The following SEMA3D variants were observed in gnomAD, a reference collection of about 807,000 sequenced individuals.
The protein encoded by SEMA3D is semaphorin-3D.
Under a neutral mutation model 100.1 loss-of-function variants are expected in SEMA3D, and 84 were observed. The ratio of observed to expected loss-of-function variants is 0.84; its 90% CI spans 0.70 to 1.01. SEMA3D has a LOEUF of 1.01. SEMA3D is among the 50% of genes least tolerant of loss of function. The pLI, the probability that SEMA3D is intolerant of heterozygous loss-of-function variation, is 0.00. For synonymous variants in SEMA3D, 312 were observed against 320.7 expected, an observed-to-expected ratio of 0.97 and a Z score of 0.29; for missense variants, 875 against 934.1, an observed-to-expected ratio of 0.94 and a Z score of 0.82.
chr7:85,035,270 T>C (rs945003572), intron 12 of SEMA3D, among the ~76,000 whole-genome samples: 1 of 151,438 alleles, frequency 6.6e-6, no homozygotes, highest in Non-Finnish European at 1.5e-5. Flanking sequence ...TTATATATGA[T>C]ATATGCATCA....
At chr7:85,138,600 C>T (rs967217018) in intron 2 of SEMA3D, among the ~76,000 whole-genome samples, 2 of 146,316 alleles carry the variant, frequency 1.4e-5, no homozygotes, top group African/African-American at 5.0e-5. Context: ...TTTTGTGCCT[C>T]CCTTTTATAA....
intron 5 of SEMA3D, among the ~76,000 whole-genome samples, chr7:85,077,853 A>T (rs1380249523): frequency 2.6e-5 from 4 of 152,184 alleles, no homozygotes; most frequent in Non-Finnish European, 5.9e-5. Flanking sequence ...AGTCTACTCA[A>T]TAATCAAAGA....
chr7:85,014,199 T>C (rs1297381739), intron 16 of SEMA3D, among the ~76,000 whole-genome samples: 5 of 151,802 alleles, frequency 3.3e-5, no homozygotes, highest in African/African-American at 1.2e-4. Context: ...GAGACTAGCA[T>C]GTGCCTGTTA....
At chr7:85,056,594 A>G (rs1791324526) in intron 8 of SEMA3D, among the ~76,000 whole-genome samples, 1 of 150,012 alleles carries the variant, frequency 6.7e-6, no homozygotes, top group Non-Finnish European at 1.5e-5. Context: ...TGCTATATAT[A>G]TAGCATTTAT....
At chr7:85,223,310 C>G in the SEMA3D span, among the ~76,000 whole-genome samples, 24,708 of 151,914 alleles carry the variant, frequency 0.16, 2,429 homozygotes, top group Non-Finnish European at 0.23. Context: ...AATGACAATA[C>G]CACAATTACT....
At position 85,083,983 on chromosome 7, in the gene SEMA3D, T is replaced by TA. The variant is rs1166480406; in HGVS notation, c.313-2405dup. On this transcript the variant is annotated intron_variant, in intron 4 of 18. Coordinates refer to ENST00000284136, the MANE Select transcript of SEMA3D (RefSeq NM_001384900.1). ...CAACACAGTGAAACTCTGTCTCTAT[T>TA]AAAAATACAAAAAATTAGCCTGGCG... Among the ~76,000 whole-genome samples the TA allele has an allele frequency of 4.7e-5, 7 of 147,736 alleles. No homozygotes were observed. In the Admixed American group the frequency reaches 4.8e-4, roughly 10 times the overall value.
intron 4 of SEMA3D, among the ~76,000 whole-genome samples, chr7:85,097,176 G>T (rs2116311528): frequency 6.6e-6 from 1 of 151,900 alleles, no homozygotes; most frequent in South Asian, 2.1e-4. Flanking sequence ...ACTGGTGGTT[G>T]AAAATGTAGG....
At chr7:85,074,908 C>A (rs1252733373) in intron 5 of SEMA3D, among the ~76,000 whole-genome samples, 1 of 152,076 alleles carries the variant, frequency 6.6e-6, no homozygotes, top group Non-Finnish European at 1.5e-5. Flanking sequence ...GCATGAGCCA[C>A]CATGGCAGGC....
Position 85,121,786 on chromosome 7 carries a change from C to T in SEMA3D, c.106G>A (p.Gly36Ser). 6.2e-7 allele frequency: 1 copy of T among 1,608,060 alleles called. No homozygotes were observed. The highest frequency in any genetic ancestry group is 8.5e-7 in the Non-Finnish European group (1 of 1,177,650). The change falls in exon 3 of 19, where the codon GGC (glycine) becomes AGC (serine). Residue 36 changes from glycine to serine, a missense_variant. Gly to Ser is a moderately conservative substitution (Grantham distance 56). Coordinates refer to ENST00000284136, the MANE Select transcript of SEMA3D (RefSeq NM_001384900.1). ...CTTGGAATATTTTGCTTCAAAGTGC[C>T]AGTGACTGGAAGAAACAACATGGTC... is the stretch of plus-strand genomic sequence containing the variant. ...SMTMLFLPVT[G>S]TLKQNIPRLK... is the part of the protein sequence containing the mutation.
chr7:85,221,806 TA>T, the SEMA3D span, among the ~76,000 whole-genome samples: 1 of 152,068 alleles, frequency 6.6e-6, no homozygotes, highest in African/African-American at 2.4e-5. Context: ...AGCATTGACT[TA>T]AATGTCAAAT....
chr7:85,072,255 T>C (rs899647581), intron 6 of SEMA3D, among the ~76,000 whole-genome samples: 2 of 152,202 alleles, frequency 1.3e-5, no homozygotes, highest in African/African-American at 4.8e-5. Flanking sequence ...TGACTCCTAA[T>C]TAATACATCC....
intron 4 of SEMA3D, among the ~76,000 whole-genome samples, chr7:85,085,095 T>C (rs1263709149): frequency 6.6e-6 from 1 of 152,186 alleles, no homozygotes; most frequent in Non-Finnish European, 1.5e-5. Context: ...CAGATTAATA[T>C]TTCTTTGAAT....
chr7:85,064,142 A>T (rs1791550117), intron 8 of SEMA3D, among the ~76,000 whole-genome samples: 1 of 152,204 alleles, frequency 6.6e-6, no homozygotes, highest in African/African-American at 2.4e-5. Flanking sequence ...AAAAAATACT[A>T]CTGTCTTTTA....
At chr7:85,047,261 T>A (rs996112709) in intron 9 of SEMA3D, among the ~76,000 whole-genome samples, 1 of 151,942 alleles carries the variant, frequency 6.6e-6, no homozygotes, top group Admixed American at 6.6e-5. Flanking sequence ...GGTTGCATGT[T>A]ACGAATTACT....
chr7:85,156,866 C>T (rs1790612259), intron 1 of SEMA3D, among the ~76,000 whole-genome samples: 1 of 152,126 alleles, frequency 6.6e-6, no homozygotes, highest in South Asian at 2.1e-4. Context: ...AGCCCACAGA[C>T]AGTTTATGGA....
At chr7:85,028,307 G>T in intron 12 of SEMA3D, 1 of 703,078 alleles carries the variant, frequency 1.4e-6, no homozygotes, top group Non-Finnish European at 2.6e-6. Context: ...TATCAAAGAT[G>T]CTGGAACTAT....
At chr7:85,080,962 T>C (rs1788041078) in intron 5 of SEMA3D, among the ~76,000 whole-genome samples, 1 of 152,210 alleles carries the variant, frequency 6.6e-6, no homozygotes, top group Non-Finnish European at 1.5e-5. Context: ...TTATTACTAA[T>C]ACATAAATTT....
chr7:85,224,331 T>A, the SEMA3D span, among the ~76,000 whole-genome samples: 3 of 152,236 alleles, frequency 2.0e-5, no homozygotes, highest in Admixed American at 1.3e-4. Flanking sequence ...CTTGAAGTCC[T>A]GAGGCCAACT....
chr7:85,150,346 A>AAT (rs3078412), intron 2 of SEMA3D, among the ~76,000 whole-genome samples: 32,282 of 121,044 alleles, frequency 0.27, 5,278 homozygotes, highest in East Asian at 0.5. Context: ...CTTTTCTAGA[A>AAT]ATATATATAT....
Sources: allele counts gnomAD v4.1 joint callset (sites outside exome capture counted in the v4.1 genomes callset), GRCh38; gene constraint gnomAD v4.1.1; transcripts MANE v1.5; gene names NCBI Gene and HGNC (gene_info 2026-07-23, HGNC 2026-07-21).